Variants in B3GALT1 observed in about 807,000 individuals in gnomAD.
B3GALT1 encodes the protein beta-1,3-galactosyltransferase 1.
Under a neutral mutation model 23.2 loss-of-function variants are expected in B3GALT1, and 10 were observed. The ratio of observed to expected loss-of-function variants is 0.43; its 90% CI spans 0.27 to 0.73. B3GALT1 has a LOEUF of 0.73. Among genes scored for constraint, B3GALT1 ranks in the 30% least tolerant of loss-of-function variants. The pLI, the probability that B3GALT1 is intolerant of heterozygous loss-of-function variation, is 0.21. For synonymous variants in B3GALT1, 156 were observed against 141.5 expected (o/e 1.10, Z -0.73); for missense variants, 299 against 405.4 (o/e 0.74, Z 2.25).
chr2:167,463,003 A>C (rs548958526), intron 1 of B3GALT1, among the ~76,000 whole-genome samples: 34 of 152,244 alleles, frequency 2.2e-4, no homozygotes, highest in African/African-American at 8.2e-4. Context: ...ATGAGAACGT[A>C]TCTGTTAATG....
At chr2:167,622,281 G>A (rs1685273317) in intron 2 of B3GALT1, among the ~76,000 whole-genome samples, 1 of 152,006 alleles carries the variant, frequency 6.6e-6, no homozygotes, top group African/African-American at 2.4e-5. Flanking sequence ...CCCTGAGTCT[G>A]TTGTGATAAC....
At chr2:167,556,816 C>T (rs1683861147) in intron 2 of B3GALT1, among the ~76,000 whole-genome samples, 1 of 152,138 alleles carries the variant, frequency 6.6e-6, no homozygotes, top group Non-Finnish European at 1.5e-5. Flanking sequence ...AAATTGTCTT[C>T]TTGTGGAAAA....
intron 1 of B3GALT1, among the ~76,000 whole-genome samples, chr2:167,469,983 A>G (rs1437921939): frequency 6.6e-6 from 1 of 152,208 alleles, no homozygotes; most frequent in East Asian, 1.9e-4. Flanking sequence ...ATTCTCAAGA[A>G]TGGAATCGTA....
chr2:167,381,793 T>G (rs921662815), intron 1 of B3GALT1, among the ~76,000 whole-genome samples: 2 of 152,244 alleles, frequency 1.3e-5, no homozygotes, highest in Non-Finnish European at 2.9e-5. Context: ...GACTGTTGTT[T>G]AAAGGTTTAA....
At chr2:167,385,850 A>G (rs1156320026) in intron 1 of B3GALT1, among the ~76,000 whole-genome samples, 1 of 152,174 alleles carries the variant, frequency 6.6e-6, no homozygotes, top group East Asian at 1.9e-4. Context: ...TTCTTGGAGG[A>G]TGAGGATTAA....
At chr2:167,704,058 G>A (rs879699634) in intron 3 of B3GALT1, among the ~76,000 whole-genome samples, 2 of 151,968 alleles carry the variant, frequency 1.3e-5, no homozygotes, top group Admixed American at 6.6e-5. Flanking sequence ...TCAGGCGCCT[G>A]TAGTCCCAGC....
intron 2 of B3GALT1, among the ~76,000 whole-genome samples, chr2:167,604,902 G>T (rs1684937056): frequency 6.6e-6 from 1 of 152,188 alleles, no homozygotes; most frequent in Admixed American, 6.5e-5. Flanking sequence ...CTTTAAACAG[G>T]TTGTAACATC....
chr2:167,412,565 A>T (rs996995185), intron 1 of B3GALT1, among the ~76,000 whole-genome samples: 1 of 152,182 alleles, frequency 6.6e-6, no homozygotes, highest in Non-Finnish European at 1.5e-5. Context: ...AATGACTAAG[A>T]TGAAAAAGAA....
intron 2 of B3GALT1, among the ~76,000 whole-genome samples, chr2:167,532,575 C>G (rs1240369143): frequency 6.6e-6 from 1 of 151,160 alleles, no homozygotes; most frequent in East Asian, 2.0e-4. Context: ...CACACACACT[C>G]ACTATCATTC....
chr2:167,357,260 T>C (rs945098032), intron 1 of B3GALT1, among the ~76,000 whole-genome samples: 2 of 152,104 alleles, frequency 1.3e-5, no homozygotes, highest in Non-Finnish European at 2.9e-5. Flanking sequence ...ATTTCTCTTA[T>C]AGTAAAAATG....
intron 2 of B3GALT1, among the ~76,000 whole-genome samples, chr2:167,492,566 G>A (rs552038609): frequency 6.6e-6 from 1 of 152,298 alleles, no homozygotes; most frequent in South Asian, 2.1e-4. Context: ...GTATTTCAAA[G>A]TAGCTGTAAC....
intron 1 of B3GALT1, among the ~76,000 whole-genome samples, chr2:167,459,700 A>C (rs891460259): frequency 6.6e-6 from 1 of 151,938 alleles, no homozygotes; most frequent in Non-Finnish European, 1.5e-5. Flanking sequence ...TGAGTTTTTT[A>C]TTTTTTCATA....
In B3GALT1 at chr2:167,413,715, A is replaced by G. The variant is rs1054125768; in HGVS notation, c.-510-76462A>G. Among the ~76,000 whole-genome samples, 5 of 151,932 alleles carry G rather than the reference A, an allele frequency of 3.3e-5. No homozygotes were observed. In the East Asian group the frequency reaches 9.7e-4, roughly 29 times the overall value. On this transcript the variant is annotated intron_variant, in intron 1 of 4. Transcript: ENST00000392690. ...TTCACCTGATATATCCTTTTTCATT[A>G]TATTAATATCATAGTTTCCATGTCT...
intron 3 of B3GALT1, among the ~76,000 whole-genome samples, chr2:167,731,826 T>G (rs1687414742): frequency 6.6e-6 from 1 of 152,232 alleles, no homozygotes; most frequent in South Asian, 2.1e-4. Flanking sequence ...GCAGTGGTGC[T>G]TGATGGCTCT....
intron 3 of B3GALT1, among the ~76,000 whole-genome samples, chr2:167,685,804 A>G (rs1686609421): frequency 6.6e-6 from 1 of 152,176 alleles, no homozygotes; most frequent in Admixed American, 6.5e-5. Context: ...CTGCTCTTTT[A>G]TCTACTTTTT....
At chr2:167,626,767 T>C (rs915991470) in intron 2 of B3GALT1, among the ~76,000 whole-genome samples, 1 of 151,804 alleles carries the variant, frequency 6.6e-6, no homozygotes. Flanking sequence ...AAGATGCTAA[T>C]AGGAAAATTT....
intron 3 of B3GALT1, among the ~76,000 whole-genome samples, chr2:167,711,581 A>G (rs1418723140): frequency 6.6e-6 from 1 of 152,136 alleles, no homozygotes; most frequent in African/African-American, 2.4e-5. Context: ...TTTTTTTCTG[A>G]GTCTGAATCT....
intron 4 of B3GALT1, among the ~76,000 whole-genome samples, chr2:167,836,224 A>T (rs1359717323): frequency 6.6e-6 from 1 of 152,180 alleles, no homozygotes; most frequent in Non-Finnish European, 1.5e-5. Flanking sequence ...AGACGATCAA[A>T]CTACAAGCTA....
At chr2:167,411,091 A>C (rs1050756984) in intron 1 of B3GALT1, among the ~76,000 whole-genome samples, 5 of 152,234 alleles carry the variant, frequency 3.3e-5, no homozygotes, top group Non-Finnish European at 7.4e-5. Flanking sequence ...TTACAAAAAA[A>C]AAAAGTTGAT....
Sources: allele counts gnomAD v4.1 joint callset (sites outside exome capture counted in the v4.1 genomes callset), GRCh38; gene constraint gnomAD v4.1.1; transcripts MANE v1.5; gene names NCBI Gene and HGNC (gene_info 2026-07-23, HGNC 2026-07-21).